The following DLC1 variants were observed in gnomAD, a reference collection of about 807,000 sequenced individuals.
DLC1 encodes DLC1 Rho GTPase activating protein, also known as rho GTPase-activating protein 7.
DLC1 carries 54 observed loss-of-function variants against 140.3 expected under a neutral mutation model. The observed-to-expected ratio is 0.38, with a 90% CI of 0.31 to 0.48. DLC1 has a LOEUF of 0.48. DLC1 is among the 20% of genes least tolerant of loss of function. The probability of loss-of-function intolerance (pLI) is 0.96; values close to 1 mark genes in which losing one functional copy is unlikely to be tolerated. For synonymous variants in DLC1, 986 were observed against 728.1 expected (o/e 1.35, Z -5.70); for missense variants, 2,536 against 1,907.0 (o/e 1.33, Z -6.14).
chr8:13,344,703 T>C (rs1461096031), intron 4 of DLC1, among the ~76,000 whole-genome samples: 1 of 152,160 alleles, frequency 6.6e-6, no homozygotes, highest in Non-Finnish European at 1.5e-5. Flanking sequence ...ATTATGATGA[T>C]GACAGTGATT....
At chr8:13,283,373 G>A (rs966398745) in intron 5 of DLC1, among the ~76,000 whole-genome samples, 2 of 151,840 alleles carry the variant, frequency 1.3e-5, no homozygotes, top group African/African-American at 4.8e-5. Flanking sequence ...GATACATTGT[G>A]AAGTACTGTA....
chr8:13,390,218 G>T (rs1339034928), intron 4 of DLC1, among the ~76,000 whole-genome samples: 3 of 152,106 alleles, frequency 2.0e-5, no homozygotes, highest in Admixed American at 6.6e-5. Flanking sequence ...AAAATAACAT[G>T]CCCACACACA....
In DLC1 at chr8:13,138,506, T is replaced by C. The variant is rs571289089; in HGVS notation, c.1349-22849A>G. 3.5e-4 allele frequency among the ~76,000 whole-genome samples: 53 copies of C among 152,322 alleles called. 1 individual carries two copies. The highest frequency in any genetic ancestry group is 1.2e-3 in the African/African-American group (50 of 41,572). ...AAATTGATTTCTCTCCCTGAGGAAATAACAGACTCCTCTGCACTTGGAAAA... is the reference window on the plus strand; with the variant it reads ...AAATTGATTTCTCTCCCTGAGGAAACAACAGACTCCTCTGCACTTGGAAAA... On this transcript the variant is annotated intron_variant, in intron 5 of 17. Coordinates refer to ENST00000276297, the MANE Select transcript of DLC1 (RefSeq NM_182643.3).
chr8:13,133,251 G>T, intron 5 of DLC1: 1 of 1,365,052 alleles, frequency 7.3e-7, no homozygotes, highest in Non-Finnish European at 9.4e-7. Context: ...TGTCCTGGCT[G>T]GGAGCGAAGC....
At chr8:13,302,657 T>C (rs968384272) in intron 5 of DLC1, among the ~76,000 whole-genome samples, 2 of 135,614 alleles carry the variant, frequency 1.5e-5, no homozygotes, top group African/African-American at 5.5e-5. Flanking sequence ...TCACACAGAT[T>C]AAAAATAGAC....
intron 5 of DLC1, among the ~76,000 whole-genome samples, chr8:13,125,911 A>G (rs1192802564): frequency 1.3e-5 from 2 of 152,142 alleles, no homozygotes; most frequent in Non-Finnish European, 2.9e-5. Context: ...ACTGGGAGAC[A>G]GGCCCTGCAA....
At chr8:13,228,621 G>A (rs1387399363) in intron 5 of DLC1, among the ~76,000 whole-genome samples, 4 of 152,134 alleles carry the variant, frequency 2.6e-5, no homozygotes, top group Non-Finnish European at 5.9e-5. Context: ...ATGGTGGCAT[G>A]TGGCTGTAGT....
intron 1 of DLC1, among the ~76,000 whole-genome samples, chr8:13,539,799 G>C (rs1803424703): frequency 6.6e-6 from 1 of 151,524 alleles, no homozygotes; most frequent in Non-Finnish European, 1.5e-5. Context: ...TTTGAATGTT[G>C]AGAAAATTTC....
intron 1 of DLC1, chr8:13,536,166 G>C (rs1803275627): frequency 6.6e-6 from 1 of 152,190 alleles, no homozygotes; most frequent in African/African-American, 2.4e-5. Flanking sequence ...ACAAGCTAAG[G>C]ATAAGCTGTA....
chr8:13,573,936 C>G (rs191005726), intron 1 of DLC1, among the ~76,000 whole-genome samples: 4 of 152,062 alleles, frequency 2.6e-5, no homozygotes, highest in Non-Finnish European at 5.9e-5. Context: ...GTAGAGACTC[C>G]CTCCATCATT....
chr8:13,333,526 A>C (rs74892821), intron 4 of DLC1, among the ~76,000 whole-genome samples: 3,766 of 152,286 alleles, frequency 0.025, 74 homozygotes, highest in South Asian at 0.059. Flanking sequence ...GGGGATCAAC[A>C]GGTGTAAACG....
intron 5 of DLC1, among the ~76,000 whole-genome samples, chr8:13,132,063 G>C (rs1822142056): frequency 6.6e-6 from 1 of 152,176 alleles, no homozygotes; most frequent in Non-Finnish European, 1.5e-5. Context: ...AAAATAGTCG[G>C]GTCGGGAGGC....
rs373620218 is a variant in DLC1 at position 13,581,912 on chromosome 8, G to A, written c.-126+22625C>T. ...TGCAATCTGAAGTCCACGCATCAAA[G>A]GCAGCTAGGAAAAAAAATTTAATGC... On this transcript the variant is annotated intron_variant, in intron 1 of 1. Coordinates refer to the DLC1 transcript ENST00000631382. Among the ~76,000 whole-genome samples the A allele has an allele frequency of 2.1e-4, 32 of 152,160 alleles. No homozygotes were observed. In the East Asian group the frequency reaches 3.1e-3, roughly 15 times the overall value.
chr8:13,260,001 C>T (rs1420524651), intron 5 of DLC1, among the ~76,000 whole-genome samples: 1 of 152,042 alleles, frequency 6.6e-6, no homozygotes, highest in African/African-American at 2.4e-5. Flanking sequence ...AAATGAAAAG[C>T]AGAAGGAATT....
intron 2 of DLC1, among the ~76,000 whole-genome samples, chr8:13,446,409 T>C (rs891442385): frequency 1.3e-5 from 2 of 152,210 alleles, no homozygotes; most frequent in African/African-American, 4.8e-5. Context: ...TCTTTTGAGT[T>C]CCACAGACCT....
rs184604684 is a variant in DLC1 at position 13,487,723 on chromosome 8, C to T, written c.1023+11326G>A. ...GAGTTGCTGGGATGACAGGTGCCCA[C>T]CACCATGTCCGGCTAATTTTTGTAT... On this transcript the variant is annotated intron_variant, in intron 2 of 17. Transcript: ENST00000276297. Among the ~76,000 whole-genome samples the T allele has an allele frequency of 3.5e-4, 54 of 152,144 alleles. 1 individual carries two copies. The East Asian group carries it at 9.7e-3, about 27-fold the overall frequency.
At chr8:13,115,463 A>ATTT (rs55809507) in intron 6 of DLC1, 123 bp downstream of exon 6, 2 of 941,186 alleles carry the variant, frequency 2.1e-6, no homozygotes, top group Non-Finnish European at 3.0e-6. Context: ...TGCTTACAAC[A>ATTT]TTTTTTTTAA....
intron 1 of DLC1, among the ~76,000 whole-genome samples, chr8:13,556,791 G>C (rs1367228038): frequency 6.6e-6 from 1 of 152,224 alleles, no homozygotes; most frequent in Admixed American, 6.5e-5. Flanking sequence ...AGTGGATGCT[G>C]TCAGAGACGC....
chr8:13,101,803 G>A (rs1331456496), intron 8 of DLC1, among the ~76,000 whole-genome samples: 1 of 152,176 alleles, frequency 6.6e-6, no homozygotes, highest in African/African-American at 2.4e-5. Flanking sequence ...GAACGTCTTT[G>A]CTGATTATGC....
Sources: allele counts gnomAD v4.1 joint callset (sites outside exome capture counted in the v4.1 genomes callset), GRCh38; gene constraint gnomAD v4.1.1; transcripts MANE v1.5; gene names NCBI Gene and HGNC (gene_info 2026-07-23, HGNC 2026-07-21).